Variants in RABGAP1L observed in about 807,000 individuals in gnomAD.
RABGAP1L encodes the protein rab GTPase-activating protein 1-like.
Under a neutral mutation model 137.7 loss-of-function variants are expected in RABGAP1L, and 63 were observed. The ratio of observed to expected loss-of-function variants is 0.46; its 90% CI spans 0.37 to 0.56. The LOEUF (loss-of-function observed/expected upper bound fraction) is 0.56, where lower values mean the gene tolerates loss of function less well. Among genes scored for constraint, RABGAP1L ranks in the 20% least tolerant of loss-of-function variants. The pLI, the probability that RABGAP1L is intolerant of heterozygous loss-of-function variation, is 0.00. For missense variants in RABGAP1L, 1,095 were observed against 1,244.0 expected (o/e 0.88, Z 1.80); for synonymous variants, 431 against 433.7 (o/e 0.99, Z 0.08).
chr1:174,309,824 A>T (rs985456768), intron 11 of RABGAP1L, among the ~76,000 whole-genome samples: 1 of 151,824 alleles, frequency 6.6e-6, no homozygotes, highest in Admixed American at 6.6e-5. Context: ...CATTTTTTGT[A>T]GTATCCTTGT....
intron 17 of RABGAP1L, among the ~76,000 whole-genome samples, chr1:174,725,384 G>T (rs1370862314): frequency 6.6e-6 from 1 of 152,192 alleles, no homozygotes; most frequent in Non-Finnish European, 1.5e-5. Flanking sequence ...TAGTGTGAAG[G>T]TTGAGAAAGA....
intron 19 of RABGAP1L, among the ~76,000 whole-genome samples, chr1:174,830,570 A>G: frequency 6.8e-6 from 1 of 146,588 alleles, no homozygotes; most frequent in Non-Finnish European, 1.5e-5. Context: ...TCTGCCTCCC[A>G]GGTTCAAGCG....
intron 11 of RABGAP1L, among the ~76,000 whole-genome samples, chr1:174,337,121 G>A (rs1271068403): frequency 2.6e-5 from 4 of 151,938 alleles, no homozygotes; most frequent in Admixed American, 1.3e-4. Flanking sequence ...ACATTTACTA[G>A]ATCACAGTTT....
intron 13 of RABGAP1L, among the ~76,000 whole-genome samples, chr1:174,422,156 C>T (rs193247327): frequency 1.0e-3 from 156 of 152,256 alleles, no homozygotes; most frequent in African/African-American, 3.4e-3. Flanking sequence ...TAGAAAGATC[C>T]TGTGTTTCAT....
chr1:174,532,177 C>A (rs1664467487), intron 13 of RABGAP1L, among the ~76,000 whole-genome samples: 1 of 151,324 alleles, frequency 6.6e-6, no homozygotes, highest in Admixed American at 6.6e-5. Context: ...GATCAGAAGT[C>A]AGAAGGATCA....
intron 18 of RABGAP1L, among the ~76,000 whole-genome samples, chr1:174,766,298 T>C (rs1685666653): frequency 6.6e-6 from 1 of 152,194 alleles, no homozygotes; most frequent in Non-Finnish European, 1.5e-5. Flanking sequence ...ACACTAGGGG[T>C]ACACCTTCAT....
At chr1:174,663,252 C>T (rs1423282423) in intron 14 of RABGAP1L, among the ~76,000 whole-genome samples, 1 of 152,154 alleles carries the variant, frequency 6.6e-6, no homozygotes, top group African/African-American at 2.4e-5. Flanking sequence ...ATCTTTCATA[C>T]CACATTTTTA....
intron 10 of RABGAP1L, among the ~76,000 whole-genome samples, chr1:174,288,228 T>G (rs1179042538): frequency 6.6e-6 from 1 of 152,240 alleles, no homozygotes; most frequent in Non-Finnish European, 1.5e-5. Flanking sequence ...ATACTAGAGT[T>G]GAAAGTGATA....
intron 14 of RABGAP1L, among the ~76,000 whole-genome samples, chr1:174,673,606 T>TA (rs1402286597): frequency 6.6e-6 from 1 of 152,166 alleles, no homozygotes; most frequent in Non-Finnish European, 1.5e-5. Flanking sequence ...GCATTCTTTT[T>TA]AAAAAATAAG....
At chr1:174,239,223 G>C (rs1269684246) in intron 4 of RABGAP1L, among the ~76,000 whole-genome samples, 1 of 152,184 alleles carries the variant, frequency 6.6e-6, no homozygotes, top group Non-Finnish European at 1.5e-5. Flanking sequence ...GAAATCACCC[G>C]TCTTCTGCGT....
chr1:174,614,659 A>G (rs1005754460), intron 13 of RABGAP1L, among the ~76,000 whole-genome samples: 2 of 152,214 alleles, frequency 1.3e-5, no homozygotes, highest in African/African-American at 2.4e-5. Context: ...CCTGAATAAC[A>G]TCCTGCAGAG....
At chr1:174,975,680 G>T (rs902740956) in intron 21 of RABGAP1L, among the ~76,000 whole-genome samples, 1 of 150,548 alleles carries the variant, frequency 6.6e-6, no homozygotes, top group African/African-American at 2.5e-5. Context: ...CCCTTCATCA[G>T]ATCCATCTAC....
chr1:174,628,631 TTAAG>T (rs1231236319), intron 13 of RABGAP1L, among the ~76,000 whole-genome samples: 2 of 152,190 alleles, frequency 1.3e-5, no homozygotes, highest in African/African-American at 2.4e-5. Flanking sequence ...CCTATAGGAA[TTAAG>T]TGAGGAAAGT....
chr1:174,748,937 G>T (rs1198988761), intron 17 of RABGAP1L, among the ~76,000 whole-genome samples: 1 of 151,882 alleles, frequency 6.6e-6, no homozygotes, highest in African/African-American at 2.4e-5. Flanking sequence ...GGCACTTTGG[G>T]AGGCCAAGAC....
At chr1:174,275,967 G>T in intron 9 of RABGAP1L, 32 bp downstream of exon 9, 2 of 1,545,642 alleles carry the variant, frequency 1.3e-6, no homozygotes, top group Non-Finnish European at 1.8e-6. Flanking sequence ...CTTATTGTTT[G>T]CTTTACATTT....
chr1:174,176,202 G>C (rs1437123119), intron 1 of RABGAP1L, among the ~76,000 whole-genome samples: 1 of 152,144 alleles, frequency 6.6e-6, no homozygotes, highest in Non-Finnish European at 1.5e-5. Context: ...GAATTCTACA[G>C]TTGGTAGTTT....
At chr1:174,285,740 T>C (rs918614038) in intron 10 of RABGAP1L, among the ~76,000 whole-genome samples, 1 of 152,154 alleles carries the variant, frequency 6.6e-6, no homozygotes, top group Admixed American at 6.5e-5. Context: ...TCATATATGG[T>C]CTTTCTTATT....
intron 11 of RABGAP1L, among the ~76,000 whole-genome samples, chr1:174,338,894 GAAA>G (rs745980504): frequency 2.2e-4 from 34 of 152,208 alleles, no homozygotes; most frequent in Non-Finnish European, 4.6e-4. Context: ...AAAAAAAGAA[GAAA>G]AGTGTGTTAC....
At chr1:174,480,911 A>G (rs1659021787) in intron 13 of RABGAP1L, among the ~76,000 whole-genome samples, 1 of 152,174 alleles carries the variant, frequency 6.6e-6, no homozygotes, top group Non-Finnish European at 1.5e-5. Flanking sequence ...CTTATAGTCC[A>G]TAGTATTCAT....
Sources: gnomAD v4.1 joint callset for allele counts (sites outside exome capture counted in the v4.1 genomes callset) on GRCh38, gnomAD v4.1.1 for gene constraint, MANE v1.5 for transcripts, NCBI Gene and HGNC (gene_info 2026-07-23, HGNC 2026-07-21) for gene names.